FAXDC2: variants seen among roughly 807,000 people sequenced by gnomAD.
The protein encoded by FAXDC2 is fatty acid hydroxylase domain containing 2.
A neutral mutation model predicts 40.9 loss-of-function variants in FAXDC2; 41 were observed. That is an observed-to-expected ratio of 1.00 (90% CI 0.78 to 1.30). The LOEUF is 1.30. Among genes scored for constraint, FAXDC2 ranks in the 50% most tolerant of loss-of-function variants. The pLI is 0.00. For synonymous variants in FAXDC2, 157 were observed against 149.3 expected, an observed-to-expected ratio of 1.05 and a Z score of -0.38; for missense variants, 390 against 408.8, an observed-to-expected ratio of 0.95 and a Z score of 0.40.
chr5:154,836,007 C>T (rs963318794), intron 2 of FAXDC2: 1 of 151,102 alleles, frequency 6.6e-6, no homozygotes, highest in African/African-American at 2.4e-5. Flanking sequence ...TCTCCTGCCC[C>T]AGCTTCCTGA....
chr5:154,846,935 T>C (rs1328849964), intron 1 of FAXDC2, among the ~76,000 whole-genome samples: 3 of 146,092 alleles, frequency 2.1e-5, no homozygotes, highest in African/African-American at 7.5e-5. Flanking sequence ...TTTTTGTTTG[T>C]TTTTTTTTTA....
rs1204626970 is a variant in FAXDC2, at chr5:154,821,199, G to A, written c.845+61C>T. The A allele has an allele frequency of 3.6e-6, 5 of 1,384,936 alleles. No individual in the cohort carries two copies. In the Admixed American group the frequency reaches 1.0e-4, roughly 28 times the overall value. 85.8% of individuals were successfully genotyped at this position (1,384,936 alleles called of 1,614,324 possible). On this transcript the variant is annotated intron_variant, in intron 8 of 8. Transcript: ENST00000326080. ...GAGATACCAGTGCCTGCTATCAGAA[G>A]CTTAAGGAGGGAGGGTGATGGTTGT...
At chr5:154,827,421 TTGTGTGTGTGTGTG>T (rs10528622) in intron 5 of FAXDC2, among the ~76,000 whole-genome samples, 22 of 138,684 alleles carry the variant, frequency 1.6e-4, no homozygotes, top group African/African-American at 4.6e-4. Context: ...TTCTGTTATT[TTGTGTGTGTGTGTG>T]TGTGTGTGTG....
Position 154,830,379 on chromosome 5 carries a change from A to C in FAXDC2, c.366+422T>G, listed in dbSNP as rs139883983. 291 of 158,394 alleles carry C rather than the reference A, an allele frequency of 1.8e-3. 4 individuals are homozygous for C. The East Asian group carries it at 0.023, about 13-fold the overall frequency. 9.8% of individuals were successfully genotyped at this position (158,394 alleles called of 1,614,324 possible). A position where few individuals can be genotyped will look rare whatever the true frequency, so the allele number is the denominator to read the frequency against. On this transcript the variant is annotated intron_variant, in intron 5 of 8. Coordinates refer to ENST00000326080, the MANE Select transcript of FAXDC2 (RefSeq NM_032385.5). ...CGCCCACACATTCAGAATCCATACTATCCGTCTATTACAGTGGAGTTATCC... is the reference window on the plus strand; with the variant it reads ...CGCCCACACATTCAGAATCCATACTCTCCGTCTATTACAGTGGAGTTATCC...
At chr5:154,845,613 C>T (rs950045722) in intron 1 of FAXDC2, among the ~76,000 whole-genome samples, 3 of 151,928 alleles carry the variant, frequency 2.0e-5, no homozygotes, top group African/African-American at 4.8e-5. Flanking sequence ...TGTGGTGGCT[C>T]ATGCTGCAGC....
rs1759858827 is a variant in FAXDC2 at position 154,820,551 on chromosome 5, C to G, written c.846-79G>C. 2.4e-6 allele frequency: 3 copies of G among 1,254,270 alleles called. No individual in the cohort carries two copies. In the Admixed American group the frequency reaches 6.6e-5, roughly 28 times the overall value. 77.7% of individuals were successfully genotyped at this position (1,254,270 alleles called of 1,614,324 possible). ...TCCCATTTCATTTGTGCCAGCCTCA[C>G]ACATTTCTCAGCCCTCCTACCCCAC... On this transcript the variant is annotated intron_variant, in intron 8 of 8. Coordinates refer to ENST00000326080, the MANE Select transcript of FAXDC2 (RefSeq NM_032385.5).
chr5:154,820,574 C>G lies in FAXDC2; in HGVS notation c.846-102G>C, dbSNP rs116428748. ...CACACATTTCTCAGCCCTCCTACCCCACACCTGTCACCACCATCCTGACCA... is the reference window on the plus strand; with the variant it reads ...CACACATTTCTCAGCCCTCCTACCCGACACCTGTCACCACCATCCTGACCA... On this transcript the variant is annotated intron_variant, in intron 8 of 8. Transcript: ENST00000326080. 1,075 of 901,292 alleles carry G rather than the reference C, an allele frequency of 1.2e-3. 1 individual carries two copies. The highest frequency in any genetic ancestry group is 1.7e-3 in the Non-Finnish European group (998 of 594,682). 55.8% of individuals were successfully genotyped at this position (901,292 alleles called of 1,614,324 possible).
chr5:154,831,042 G>T, intron 4 of FAXDC2, 120 bp from the exon 5 acceptor site: 1 of 1,290,848 alleles, frequency 7.7e-7, no homozygotes, highest in Non-Finnish European at 1.1e-6. Context: ...TGCCAGGGAG[G>T]TCTTAGGGCT....
At position 154,823,542 on chromosome 5, in the gene FAXDC2, C is replaced by T; in HGVS notation, c.417G>A (p.Gln139=). ...RQSIRTVLFN[Q]CMISFPMVVF... is the part of the protein sequence containing the mutation. ...CCACCATGGGGAAAGATATCATGCA[C>T]TGGTTGAAAAGAACTGTGCGGATAG... The change falls in exon 6 of 9, where the codon CAG becomes CAA. Residue 139 remains glutamine (Q), a synonymous_variant. Transcript: ENST00000326080. 1 of 1,614,184 alleles carries T rather than the reference C, an allele frequency of 6.2e-7. No individual in the cohort carries two copies. Among genetic ancestry groups the T allele is most frequent in the Non-Finnish European group, 8.5e-7 (1 of 1,180,022 alleles).
At chr5:154,830,374 A>T (rs1760158074) in intron 5 of FAXDC2, 1 of 157,646 alleles carries the variant, frequency 6.3e-6, no homozygotes, top group African/African-American at 2.4e-5. Flanking sequence ...TTCAGAATCC[A>T]TACTATCCGT....
chr5:154,830,258 G>A (rs1164204998), intron 5 of FAXDC2: 2 of 152,460 alleles, frequency 1.3e-5, no homozygotes, highest in Admixed American at 1.3e-4. Context: ...TTGTAAGCAG[G>A]GTCTGGGCCT....
At chr5:154,846,699 T>G (rs1426996189) in intron 1 of FAXDC2, among the ~76,000 whole-genome samples, 1 of 152,002 alleles carries the variant, frequency 6.6e-6, no homozygotes, top group Non-Finnish European at 1.5e-5. Flanking sequence ...GTTCTAATAT[T>G]TTACAACAAT....
At chr5:154,835,883 CTTTTTTTTTTTT>C (rs869068025) in intron 2 of FAXDC2, among the ~76,000 whole-genome samples, 52 of 47,866 alleles carry the variant, frequency 1.1e-3, no homozygotes, top group Non-Finnish European at 1.3e-3. Context: ...GCCCGGCCGA[CTTTTTTTTTTTT>C]TTTTTTTTTT....
chr5:154,831,145 C>A, intron 4 of FAXDC2: 1 of 449,070 alleles, frequency 2.2e-6, no homozygotes, highest in Non-Finnish European at 4.0e-6. Context: ...ATAGGGACAA[C>A]CTTCAAGGTG....
chr5:154,843,337 G>C (rs1251621203), intron 1 of FAXDC2, among the ~76,000 whole-genome samples: 1 of 152,206 alleles, frequency 6.6e-6, no homozygotes, highest in African/African-American at 2.4e-5. Flanking sequence ...ACGAGACATG[G>C]CCTTTGATCT....
Position 154,830,864 on chromosome 5 carries a change from A to G in FAXDC2, c.303T>C (p.Val101=). The change falls in exon 5 of 9, where the codon GTT becomes GTC. Residue 101 remains valine (V), a synonymous_variant. Transcript: ENST00000326080. ...FWSFNGLLLV[V]DTTGKPNFIS... ...TGAAGTTAGGTTTTCCTGTTGTGTC[A>G]ACCACCAATAGAAGCCCATTGAAGC... 1.9e-6 allele frequency: 3 copies of G among 1,614,196 alleles called. No homozygotes were observed. Among genetic ancestry groups the G allele is most frequent in the Non-Finnish European group, 2.5e-6 (3 of 1,180,014 alleles).
At chr5:154,837,428 C>T (rs1760377952) in intron 2 of FAXDC2, among the ~76,000 whole-genome samples, 1 of 152,098 alleles carries the variant, frequency 6.6e-6, no homozygotes, top group African/African-American at 2.4e-5. Context: ...TGTAACCCAC[C>T]AGAACTTGTT....
chr5:154,850,107 CT>C (rs1238878630), intron 1 of FAXDC2, among the ~76,000 whole-genome samples: 1 of 152,234 alleles, frequency 6.6e-6, no homozygotes, highest in Non-Finnish European at 1.5e-5. Flanking sequence ...CCAGTTTGTT[CT>C]GCCTCTCATT....
rs1224129006 is a variant in FAXDC2 at position 154,819,198 on chromosome 5, A to G, written c.*1118T>C. 6.6e-6 allele frequency: 1 copy of G among 152,236 alleles called. No homozygotes were observed. The highest frequency in any genetic ancestry group is 1.5e-5 in the Non-Finnish European group (1 of 68,044). 9.4% of individuals were successfully genotyped at this position (152,236 alleles called of 1,614,324 possible). On this transcript the variant is annotated 3_prime_UTR_variant, in exon 9 of 9. Transcript: ENST00000326080. Reference sequence around the variant, plus strand: ...GTAAAATGATAATGGTGGTCTTTCAAATCAAAGAGTGATCTTTAAATTGTT... The same window carrying G: ...GTAAAATGATAATGGTGGTCTTTCAGATCAAAGAGTGATCTTTAAATTGTT...
Sources: gnomAD v4.1 joint callset for allele counts (sites outside exome capture counted in the v4.1 genomes callset) on GRCh38, gnomAD v4.1.1 for gene constraint, MANE v1.5 for transcripts, NCBI Gene and HGNC (gene_info 2026-07-23, HGNC 2026-07-21) for gene names.